HABP4: variants seen among roughly 807,000 people sequenced by gnomAD.
HABP4 encodes hyaluronan binding protein 4.
Under a neutral mutation model 44.1 loss-of-function variants are expected in HABP4, and 32 were observed. That is an observed-to-expected ratio of 0.73 (90% confidence interval 0.55 to 0.97). The LOEUF (loss-of-function observed/expected upper bound fraction) is 0.97, where lower values mean the gene tolerates loss of function less well. Among genes scored for constraint, HABP4 ranks in the 50% least tolerant of loss-of-function variants. The pLI, the probability that HABP4 is intolerant of heterozygous loss-of-function variation, is 0.00. For synonymous variants in HABP4, 216 were observed against 218.0 expected, an observed-to-expected ratio of 0.99 and a Z score of 0.08; for missense variants, 503 against 561.9, an observed-to-expected ratio of 0.90 and a Z score of 1.06.
chr9:96,486,367 A>G (rs1832977261), intron 6 of HABP4, among the ~76,000 whole-genome samples: 1 of 152,206 alleles, frequency 6.6e-6, no homozygotes, highest in African/African-American at 2.4e-5. Flanking sequence ...TTCTAACTCC[A>G]TTAGCAAGCT....
At chr9:96,454,876 A>G (rs1330477131) in intron 1 of HABP4, among the ~76,000 whole-genome samples, 2 of 152,106 alleles carry the variant, frequency 1.3e-5, no homozygotes, top group Non-Finnish European at 2.9e-5. Flanking sequence ...CAGCACTGGG[A>G]GGCTAGGCGG....
intron 2 of HABP4, among the ~76,000 whole-genome samples, chr9:96,461,189 A>T (rs1832493397): frequency 6.6e-6 from 1 of 152,246 alleles, no homozygotes. Context: ...TGATAGTTGC[A>T]CAACAGTGTG....
rs541419292 is a variant in HABP4, at chr9:96,487,387, A to T, written c.1000-702A>T. 2.6e-5 allele frequency among the ~76,000 whole-genome samples: 4 copies of T among 152,302 alleles called. No homozygotes were observed. In the South Asian group the frequency reaches 8.3e-4, roughly 32 times the overall value. On this transcript the variant is annotated intron_variant, in intron 6 of 7. Coordinates refer to ENST00000375249, the MANE Select transcript of HABP4 (RefSeq NM_014282.4). ...AATCAAATTTGGATCAGATTTAATTAATTTATTTAATATAGCTGTCACAAG... is the reference window on the plus strand; with the variant it reads ...AATCAAATTTGGATCAGATTTAATTTATTTATTTAATATAGCTGTCACAAG...
intron 5 of HABP4, 123 bp from the exon 6 acceptor site, chr9:96,484,339 A>ATTTTTTTTTTTTTT: frequency 1.7e-6 from 1 of 576,106 alleles, no homozygotes; most frequent in South Asian, 2.7e-5. Context: ...TCCTTACCTT[A>ATTTTTTTTTTTTTT]TTTGCATTTG....
At position 96,488,285 on chromosome 9, in the gene HABP4, G is replaced by T; in HGVS notation, c.1185+11G>T. 1 of 1,590,600 alleles carries T rather than the reference G, an allele frequency of 6.3e-7. No homozygotes were observed. ...AGAGCAGAAGTGGTGGTAGGTGTCT[G>T]TATTGACGGTTTGGCGAAAGAAGTT... On this transcript the variant is annotated intron_variant, in intron 7 of 7. Transcript: ENST00000375249. This position sits in a 1 kb window ranked among gnomAD's most constrained non-coding sequence, Gnocchi z 4.6.
At chr9:96,475,405 A>AAAAAAAAG (rs1554725958) in intron 5 of HABP4, among the ~76,000 whole-genome samples, 1,874 of 149,198 alleles carry the variant, frequency 0.013, 38 homozygotes, top group African/African-American at 0.046. Context: ...AAAAAAAAAA[A>AAAAAAAAG]AAGAAGAAAA....
chr9:96,456,807 A>G (rs1449693315), intron 1 of HABP4, among the ~76,000 whole-genome samples: 1 of 126,610 alleles, frequency 7.9e-6, no homozygotes, highest in Non-Finnish European at 1.7e-5. Context: ...ATATATATAT[A>G]TATATATATA....
chr9:96,485,453 G>A (rs564597704), intron 6 of HABP4, among the ~76,000 whole-genome samples: 4 of 152,336 alleles, frequency 2.6e-5, no homozygotes, highest in Admixed American at 6.5e-5. Context: ...AACTGCAGAC[G>A]TGGCGGGAGA....
intron 5 of HABP4, 42 bp from the exon 6 acceptor site, chr9:96,484,420 A>G: frequency 1.2e-6 from 1 of 868,678 alleles, no homozygotes; most frequent in South Asian, 1.6e-5. Context: ...ACATTTTAGT[A>G]CCATCAAAAA....
intron 1 of HABP4, among the ~76,000 whole-genome samples, chr9:96,453,836 C>G (rs949032710): frequency 1.3e-5 from 2 of 152,196 alleles, no homozygotes; most frequent in Non-Finnish European, 2.9e-5. Context: ...CACAGAAAAA[C>G]AAGCCCAATT....
Position 96,465,515 on chromosome 9 carries a change from A to G in HABP4, c.674+17A>G, listed in dbSNP as rs1832586042. The G allele has an allele frequency of 7.7e-6, 12 of 1,564,826 alleles. No homozygotes were observed. The highest frequency in any genetic ancestry group is 1.1e-5 in the Non-Finnish European group (12 of 1,135,232). On this transcript the variant is annotated intron_variant, in intron 3 of 7. Coordinates refer to ENST00000375249, the MANE Select transcript of HABP4 (RefSeq NM_014282.4). Reference sequence around the variant, plus strand: ...TGACAAAATGTAAGTTTCTTTGTAAATGCTATTTTCACTTTAAGATGGTGT... The same window carrying G: ...TGACAAAATGTAAGTTTCTTTGTAAGTGCTATTTTCACTTTAAGATGGTGT...
Position 96,450,408 on chromosome 9 carries a change from C to G in HABP4, c.129C>G (p.Arg43=). The change falls in exon 1 of 8, where the codon CGC becomes CGG. Residue 43 remains arginine (R), a synonymous_variant. Coordinates refer to ENST00000375249, the MANE Select transcript of HABP4 (RefSeq NM_014282.4). The surrounding 1 kb of genome is among the most constrained non-coding windows in gnomAD (Gnocchi z 4.8). ...DDESDPFDIL[R]EAERRRQQQL... is the part of the protein sequence containing the mutation. Reference sequence around the variant, plus strand: ...AGTCGGACCCGTTCGACATCCTGCGCGAGGCCGAGCGCCGGCGCCAGCAGC... The same window carrying G: ...AGTCGGACCCGTTCGACATCCTGCGGGAGGCCGAGCGCCGGCGCCAGCAGC... 1 of 1,294,222 alleles carries G rather than the reference C, an allele frequency of 7.7e-7. No homozygotes were observed. Among genetic ancestry groups the G allele is most frequent in the African/African-American group, 1.6e-5 (1 of 63,650 alleles). The allele number at this position is 1,294,222 out of a possible 1,614,324, so 80.2% of individuals were successfully genotyped here.
At position 96,455,322 on chromosome 9, in the gene HABP4, C is replaced by T. The variant is rs1291222746; in HGVS notation, c.350-3057C>T. On this transcript the variant is annotated intron_variant, in intron 1 of 7. Coordinates refer to ENST00000375249, the MANE Select transcript of HABP4 (RefSeq NM_014282.4). The stretch of plus-strand genomic sequence containing the variant: ...AGAAAATTACCTGAGCGTGGTGGCA[C>T]AGGCCTGTAATCCCAGCTACCTGGG... 1.0e-4 allele frequency among the ~76,000 whole-genome samples: 15 copies of T among 150,556 alleles called. No individual in the cohort carries two copies. The South Asian group carries it at 3.2e-3, about 32-fold the overall frequency.
chr9:96,463,297 C>T (rs964090345), intron 2 of HABP4, among the ~76,000 whole-genome samples: 6 of 151,990 alleles, frequency 3.9e-5, no homozygotes, highest in Non-Finnish European at 4.4e-5. Context: ...CTTTGTTGCC[C>T]GGGCTGGAGT....
At chr9:96,452,945 G>C (rs1788314426) in intron 1 of HABP4, among the ~76,000 whole-genome samples, 1 of 75,556 alleles carries the variant, frequency 1.3e-5, no homozygotes, top group Non-Finnish European at 2.7e-5. Context: ...TTTTGAGACA[G>C]AGTCTTTTTT....
intron 5 of HABP4, among the ~76,000 whole-genome samples, chr9:96,480,844 C>A (rs575300484): frequency 1.8e-3 from 279 of 152,292 alleles, no homozygotes; most frequent in African/African-American, 6.3e-3. Flanking sequence ...ACCAATCACG[C>A]CAGAAAGTTC....
At position 96,490,327 on chromosome 9, in the gene HABP4, G is replaced by C. The variant is rs1043155322; in HGVS notation, c.*289G>C. 1 of 321,278 alleles carries C rather than the reference G, an allele frequency of 3.1e-6. No homozygotes were observed. The highest frequency in any genetic ancestry group is 2.1e-5 in the African/African-American group (1 of 47,112). 19.9% of individuals were successfully genotyped at this position (321,278 alleles called of 1,614,324 possible). On this transcript the variant is annotated 3_prime_UTR_variant, in exon 8 of 8. Coordinates refer to ENST00000375249, the MANE Select transcript of HABP4 (RefSeq NM_014282.4). Reference sequence around the variant, plus strand: ...ATAGAGATAGTATAGACTCCTCCGCGGAAGCATGGAGGGAAAGGAGGTTGT... The same window carrying C: ...ATAGAGATAGTATAGACTCCTCCGCCGAAGCATGGAGGGAAAGGAGGTTGT...
chr9:96,484,675 A>G (rs751536645), intron 6 of HABP4, 42 bp downstream of exon 6: 2 of 1,083,740 alleles, frequency 1.8e-6, no homozygotes, highest in South Asian at 2.6e-5. Flanking sequence ...CTTTACTTTT[A>G]CCTTACTGGA....
intron 5 of HABP4, among the ~76,000 whole-genome samples, chr9:96,472,933 CT>C (rs1832721500): frequency 1.3e-5 from 2 of 152,218 alleles, no homozygotes; most frequent in Admixed American, 1.3e-4. Context: ...TTATTGATTT[CT>C]TCGTAAACGT....
Sources: gnomAD v4.1 joint callset for allele counts (sites outside exome capture counted in the v4.1 genomes callset) on GRCh38, gnomAD v4.1.1 for gene constraint, Gnocchi (gnomAD v3.1) non-coding constraint, MANE v1.5 for transcripts, NCBI Gene and HGNC (gene_info 2026-07-23, HGNC 2026-07-21) for gene names.